The following CALN1 variants were observed in gnomAD, a reference collection of about 807,000 sequenced individuals.
CALN1 encodes the protein calcium-binding protein 8.
CALN1 carries 17 observed loss-of-function variants against 30.6 expected under a neutral mutation model. The observed-to-expected ratio is 0.56, with a 90% CI of 0.38 to 0.83. The LOEUF (loss-of-function observed/expected upper bound fraction) is 0.83, where lower values mean the gene tolerates loss of function less well. Ranked by LOEUF, CALN1 falls within the 40% of genes least tolerant of loss-of-function variation. The pLI is 0.00. For synonymous variants in CALN1, 156 were observed against 131.4 expected, an observed-to-expected ratio of 1.19 and a Z score of -1.28; for missense variants, 291 against 354.9, an observed-to-expected ratio of 0.82 and a Z score of 1.45.
chr7:72,246,432 T>C (rs966153195), intron 3 of CALN1, among the ~76,000 whole-genome samples: 2 of 152,122 alleles, frequency 1.3e-5, no homozygotes, highest in Non-Finnish European at 2.9e-5. Flanking sequence ...TGGAGAGTGG[T>C]GTCCTCCCTG....
Position 71,904,886 on chromosome 7 carries a change from C to T in CALN1, c.502-94394G>A, listed in dbSNP as rs182196609. Among the ~76,000 whole-genome samples the T allele has an allele frequency of 1.2e-4, 19 of 152,058 alleles. No homozygotes were observed. In the East Asian group the frequency reaches 3.5e-3, roughly 28 times the overall value. ...TTTCTGTGGAATGTGTAACAATATA[C>T]ATTTATGGTTTTGGCTTAGAATTAT... On this transcript the variant is annotated intron_variant, in intron 5 of 6. Coordinates refer to ENST00000395275, the MANE Select transcript of CALN1 (RefSeq NM_031468.4).
At chr7:71,828,540 A>G (rs1789064236) in intron 5 of CALN1, among the ~76,000 whole-genome samples, 1 of 151,850 alleles carries the variant, frequency 6.6e-6, no homozygotes, top group Admixed American at 6.6e-5. Flanking sequence ...TATTTTGGAA[A>G]GACTTATCAG....
chr7:72,053,707 T>G (rs988615215), intron 4 of CALN1, among the ~76,000 whole-genome samples: 2 of 152,152 alleles, frequency 1.3e-5, no homozygotes, highest in Non-Finnish European at 2.9e-5. Context: ...GTAAGCTTTT[T>G]AGAGATTTGT....
At chr7:72,411,031 G>C (rs781505470) in intron 1 of CALN1, among the ~76,000 whole-genome samples, 1 of 152,148 alleles carries the variant, frequency 6.6e-6, no homozygotes, top group African/African-American at 2.4e-5. Flanking sequence ...ACAAATAATA[G>C]GTGAATTTAG....
intron 4 of CALN1, among the ~76,000 whole-genome samples, chr7:72,043,033 G>A (rs1319694977): frequency 6.6e-6 from 1 of 152,176 alleles, no homozygotes; most frequent in Non-Finnish European, 1.5e-5. Context: ...ACCTAGAGCA[G>A]GAATAGATGC....
intron 2 of CALN1, among the ~76,000 whole-genome samples, chr7:72,344,567 T>C (rs138165781): frequency 6.8e-6 from 1 of 147,440 alleles, no homozygotes. Context: ...TATATATATA[T>C]TTATTTATAT....
At chr7:71,825,540 T>G (rs2116359710) in intron 5 of CALN1, among the ~76,000 whole-genome samples, 1 of 152,218 alleles carries the variant, frequency 6.6e-6, no homozygotes, top group East Asian at 1.9e-4. Context: ...CACTTCCACA[T>G]GGCTGGGGAG....
intron 3 of CALN1, among the ~76,000 whole-genome samples, chr7:72,205,548 A>AT (rs1163285856): frequency 4.7e-5 from 5 of 105,936 alleles, no homozygotes; most frequent in Non-Finnish European, 8.3e-5. Flanking sequence ...ATTGCAAAAA[A>AT]AAAATATATA....
chr7:72,410,384 T>C (rs1468226033), intron 1 of CALN1, among the ~76,000 whole-genome samples: 2 of 152,214 alleles, frequency 1.3e-5, no homozygotes, highest in African/African-American at 2.4e-5. Context: ...ATCTAGGACG[T>C]AGAAAATGTC....
At chr7:72,385,007 C>CT (rs1351380080) in intron 2 of CALN1, among the ~76,000 whole-genome samples, 1 of 152,102 alleles carries the variant, frequency 6.6e-6, no homozygotes, top group Non-Finnish European at 1.5e-5. Flanking sequence ...TTTGAACATA[C>CT]TCCTCCGCAA....
intron 5 of CALN1, among the ~76,000 whole-genome samples, chr7:71,857,953 C>G (rs746559661): frequency 1.3e-5 from 2 of 152,112 alleles, no homozygotes; most frequent in Non-Finnish European, 2.9e-5. Context: ...ACTGCAGAAT[C>G]CTGGCACTTA....
At chr7:71,957,953 T>TA (rs1797042726) in intron 5 of CALN1, among the ~76,000 whole-genome samples, 1 of 150,398 alleles carries the variant, frequency 6.6e-6, no homozygotes, top group Non-Finnish European at 1.5e-5. Flanking sequence ...TAATCCCAGC[T>TA]ACTTGGGAGG....
At chr7:72,129,764 C>T (rs1809011967) in intron 3 of CALN1, among the ~76,000 whole-genome samples, 1 of 152,136 alleles carries the variant, frequency 6.6e-6, no homozygotes, top group Non-Finnish European at 1.5e-5. Flanking sequence ...TATTAAAAAG[C>T]TCAGAATCAA....
intron 4 of CALN1, among the ~76,000 whole-genome samples, chr7:72,026,087 A>C (rs981540616): frequency 6.6e-6 from 1 of 152,188 alleles, no homozygotes; most frequent in Non-Finnish European, 1.5e-5. Context: ...TGGTAATCGT[A>C]AGAAAGCTAA....
At chr7:72,378,025 T>C (rs1176177910) in intron 2 of CALN1, among the ~76,000 whole-genome samples, 1 of 152,136 alleles carries the variant, frequency 6.6e-6, no homozygotes, top group South Asian at 2.1e-4. Context: ...CCTGAACTTT[T>C]TGATTAGTCT....
At chr7:72,033,267 G>C (rs1801573953) in intron 4 of CALN1, among the ~76,000 whole-genome samples, 1 of 152,146 alleles carries the variant, frequency 6.6e-6, no homozygotes, top group African/African-American at 2.4e-5. Context: ...TTCTCATAAG[G>C]AGGTAAAATA....
At chr7:72,249,731 G>A (rs1795423346) in intron 3 of CALN1, among the ~76,000 whole-genome samples, 1 of 152,182 alleles carries the variant, frequency 6.6e-6, no homozygotes, top group South Asian at 2.1e-4. Flanking sequence ...GAGGTCAGGA[G>A]TTCGAGACCA....
chr7:72,417,814 A>G (rs573213650), intron 1 of CALN1, among the ~76,000 whole-genome samples: 14 of 152,184 alleles, frequency 9.2e-5, no homozygotes, highest in Non-Finnish European at 1.6e-4. Context: ...ACCCTGGGAC[A>G]CCCTGGCCTT....
intron 5 of CALN1, among the ~76,000 whole-genome samples, chr7:71,860,428 T>C (rs2116656236): frequency 6.6e-6 from 1 of 152,266 alleles, no homozygotes; most frequent in African/African-American, 2.4e-5. Context: ...CCTGACCTCG[T>C]GATCCTCCCG....
Sources: allele counts gnomAD v4.1 joint callset (sites outside exome capture counted in the v4.1 genomes callset), GRCh38; gene constraint gnomAD v4.1.1; transcripts MANE v1.5; gene names NCBI Gene and HGNC (gene_info 2026-07-23, HGNC 2026-07-21).